The following DCHS1 variants were observed in gnomAD, a reference collection of about 807,000 sequenced individuals.
DCHS1 encodes protocadherin-16.
Under a neutral mutation model 213.9 loss-of-function variants are expected in DCHS1, and 78 were observed. The ratio of observed to expected loss-of-function variants is 0.36; its 90% CI spans 0.30 to 0.44. DCHS1 has a LOEUF of 0.44. Ranked by LOEUF, DCHS1 falls within the 20% of genes least tolerant of loss-of-function variation. The pLI is 1.00. For synonymous variants in DCHS1, 1,828 were observed against 1,873.7 expected (o/e 0.98, Z 0.63); for missense variants, 3,946 against 4,395.9 (o/e 0.90, Z 2.89).
In DCHS1 at chr11:6,621,371, A is replaced by C. The variant is rs1855681130; in HGVS notation, c.*408T>G. 2 of 329,580 alleles carry C rather than the reference A, an allele frequency of 6.1e-6. No individual in the cohort carries two copies. The highest frequency in any genetic ancestry group is 8.3e-5 in the Admixed American group (2 of 24,196). 20.4% of individuals were successfully genotyped at this position (329,580 alleles called of 1,614,324 possible). On this transcript the variant is annotated 3_prime_UTR_variant, in exon 21 of 21. Coordinates refer to ENST00000299441, the MANE Select transcript of DCHS1 (RefSeq NM_003737.4). ...TTAAGGCTCCAGAGTGAGAAATGGC[A>C]CTTGGTTCTGGGCAGGGGCAGGGGC...
In DCHS1 at chr11:6,640,370, C is replaced by A; in HGVS notation, c.1244G>T (p.Ser415Ile). The change falls in exon 2 of 21, where the codon AGC (serine) becomes ATC (isoleucine). Residue 415 changes from serine (S) to isoleucine (I), a missense_variant. Transcript: ENST00000299441. This position sits in a 1 kb window ranked among gnomAD's most constrained non-coding sequence, Gnocchi z 6.5. ...LEGGEGHFAL[S>I]TQDSVIYLVC... ...CAGATAGATGACGCTGTCTTGGGTG[C>A]TTAGGGCAAAGTGGCCCTCTCCACC... 6.2e-7 allele frequency: 1 copy of A among 1,613,546 alleles called. No individual in the cohort carries two copies.
intron 2 of DCHS1, among the ~76,000 whole-genome samples, chr11:6,639,167 T>C (rs1856028897): frequency 6.6e-6 from 1 of 152,006 alleles, no homozygotes; most frequent in African/African-American, 2.4e-5. Context: ...TCCTAACTAC[T>C]GCTTTGTGTT....
In DCHS1 at chr11:6,641,592, C is replaced by G. The variant is rs1247696991; in HGVS notation, c.22G>C (p.Val8Leu). The G allele has an allele frequency of 7.1e-6, 11 of 1,549,202 alleles. No individual in the cohort carries two copies. Among genetic ancestry groups the G allele is most frequent in the Non-Finnish European group, 9.6e-6 (11 of 1,146,100 alleles). Residue 8 changes from valine (V) to leucine (L), a missense_variant, in exon 2 of 21, where the codon GTG (valine) becomes CTG (leucine). Around this residue, in one of 3 missense-constraint regions of DCHS1, gnomAD observed 3,384 missense variants for 3,780.1 expected, o/e 0.90. Coordinates refer to ENST00000299441, the MANE Select transcript of DCHS1 (RefSeq NM_003737.4). The surrounding 1 kb of genome is among the most constrained non-coding windows in gnomAD (Gnocchi z 7.1). MQKELGI[V>L]PSCPGMKSPR... ...CTCTTCATGCCAGGGCAGGAAGGCA[C>G]AATGCCCAGCTCCTTCTGCATGACA... is the stretch of plus-strand genomic sequence containing the variant.
rs72911012 is a variant in DCHS1, at chr11:6,623,570, A to G, written c.8106T>C (p.His2702=). 2.5e-6 allele frequency: 4 copies of G among 1,613,538 alleles called. No individual in the cohort carries two copies. The highest frequency in any genetic ancestry group is 1.3e-5 in the African/African-American group (1 of 75,052). The change falls in exon 21 of 21, where the codon CAT becomes CAC. Residue 2702 remains histidine, a synonymous_variant. Transcript: ENST00000299441. ...VTIEVQDVND[H]GPAFPLNLLS... ...GTAAGTTCAGTGGGAAGGCTGGGCC[A>G]TGATCATTCACATCCTGGACCTCAA... is the stretch of plus-strand genomic sequence containing the variant.
chr11:6,629,144 ACC>A (rs959933033), intron 12 of DCHS1, among the ~76,000 whole-genome samples: 1 of 152,116 alleles, frequency 6.6e-6, no homozygotes, highest in Non-Finnish European at 1.5e-5. Context: ...AAGTCACTTG[ACC>A]TCTCCAATAT....
chr11:6,653,716 A>G (rs1463895201), intron 1 of DCHS1, among the ~76,000 whole-genome samples: 1 of 152,172 alleles, frequency 6.6e-6, no homozygotes, highest in African/African-American at 2.4e-5. Flanking sequence ...AATTTGAGGG[A>G]TGAGTATAGA....
chr11:6,625,975 T>C lies in DCHS1; in HGVS notation c.6676A>G (p.Thr2226Ala). Reference sequence around the variant, plus strand: ...ATGGCTGTGGTAGTGATAGTGCCTGTGGTTGGGTCTACGTGGAACAATCCA... The same window carrying C: ...ATGGCTGTGGTAGTGATAGTGCCTGCGGTTGGGTCTACGTGGAACAATCCA... Reference protein sequence around the residue: ...ARGLFHVDPTTGTITTTAILD... With the variant: ...ARGLFHVDPTAGTITTTAILD... Residue 2226 changes from threonine (T) to alanine (A), a missense_variant, in exon 17 of 21, where the codon ACA becomes GCA. Transcript: ENST00000299441. The surrounding 1 kb of genome is among the most constrained non-coding windows in gnomAD (Gnocchi z 5.3). 6.2e-7 allele frequency: 1 copy of C among 1,613,538 alleles called. No homozygotes were observed. Among genetic ancestry groups the C allele is most frequent in the Non-Finnish European group, 8.5e-7 (1 of 1,179,734 alleles).
chr11:6,647,570 C>A (rs11040942), intron 1 of DCHS1, among the ~76,000 whole-genome samples: 3 of 152,134 alleles, frequency 2.0e-5, no homozygotes, highest in Non-Finnish European at 4.4e-5. Flanking sequence ...TTTTATGGTG[C>A]GCTGGGCCCT....
intron 1 of DCHS1, among the ~76,000 whole-genome samples, chr11:6,645,036 C>T (rs7111291): frequency 0.36 from 55,205 of 152,164 alleles, 12,144 homozygotes; most frequent in East Asian, 0.52. Flanking sequence ...GCATTATGTC[C>T]GTAATCTGTA....
intron 1 of DCHS1, among the ~76,000 whole-genome samples, chr11:6,647,109 G>A (rs186949618): frequency 6.6e-6 from 1 of 152,288 alleles, no homozygotes; most frequent in East Asian, 1.9e-4. Context: ...AAGGTAGATG[G>A]GCTAGAAGTG....
rs1454389392 is a variant in DCHS1 at position 6,623,587 on chromosome 11, G to T, written c.8089C>A (p.Gln2697Lys). ...FALAPVTIEV[Q>K]DVNDHGPAFP... ...GCTGGGCCATGATCATTCACATCCT[G>T]GACCTCAATTGTCACTGGTGCCAAA... The change falls in exon 21 of 21, where the codon CAG becomes AAG. Residue 2697 changes from glutamine to lysine, a missense_variant. Gln to Lys is a moderately conservative substitution (Grantham distance 53). Coordinates refer to ENST00000299441, the MANE Select transcript of DCHS1 (RefSeq NM_003737.4). 4 of 1,613,732 alleles carry T rather than the reference G, an allele frequency of 2.5e-6. No homozygotes were observed. In the East Asian group the frequency reaches 8.9e-5, roughly 36 times the overall value.
chr11:6,631,302 C>T lies in DCHS1; in HGVS notation c.3772+9G>A, dbSNP rs754229649. ...TCACCCACCAATTCTCCTCTCTCCA[C>T]TCCCATACCAGTTAGCGTGTACAAG... is the stretch of plus-strand genomic sequence containing the variant. On this transcript the variant is annotated intron_variant, in intron 8 of 20. Coordinates refer to ENST00000299441, the MANE Select transcript of DCHS1 (RefSeq NM_003737.4). 33 of 1,613,890 alleles carry T rather than the reference C, an allele frequency of 2.0e-5. No homozygotes were observed. Among genetic ancestry groups the T allele is most frequent in the Non-Finnish European group, 2.8e-5 (33 of 1,179,884 alleles).
At position 6,626,833 on chromosome 11, in the gene DCHS1, G is replaced by A. The variant is rs1589954211; in HGVS notation, c.6206C>T (p.Pro2069Leu). The stretch of plus-strand genomic sequence containing the variant: ...AATCGTAGCCTCACTGCTAGCCCGG[G>A]GAAAGCGGGGTCCACGCTCAGCTTC... ...QGEAERGPRFPRASSEATIRE... is the reference protein window; with the variant it reads ...QGEAERGPRFLRASSEATIRE... Residue 2069 changes from proline to leucine, a missense_variant, in exon 14 of 21, where the codon CCC becomes CTC. Coordinates refer to ENST00000299441, the MANE Select transcript of DCHS1 (RefSeq NM_003737.4). This position sits in a 1 kb window ranked among gnomAD's most constrained non-coding sequence, Gnocchi z 5.2. 1 of 1,613,200 alleles carries A rather than the reference G, an allele frequency of 6.2e-7. No homozygotes were observed. The highest frequency in any genetic ancestry group is 8.5e-7 in the Non-Finnish European group (1 of 1,179,872).
intron 2 of DCHS1, 79 bp from the exon 3 acceptor site, chr11:6,634,385 A>G: frequency 6.8e-7 from 1 of 1,460,712 alleles, no homozygotes; most frequent in East Asian, 2.3e-5. Context: ...AGAATGAACA[A>G]CTGGTGCTAA....
Position 6,624,214 on chromosome 11 carries a change from G to C in DCHS1, c.7462C>G (p.Arg2488Gly). 6.2e-7 allele frequency: 1 copy of C among 1,613,370 alleles called. No homozygotes were observed. The change falls in exon 21 of 21, where the codon CGT (arginine) becomes GGT (glycine). Residue 2488 changes from arginine (R) to glycine (G), a missense_variant. Physicochemically the swap from Arg to Gly is moderately radical, Grantham distance 125. This residue lies in a region of DCHS1 where 3,384 missense variants were observed against 3,780.1 expected (regional missense o/e 0.90). Coordinates refer to ENST00000299441, the MANE Select transcript of DCHS1 (RefSeq NM_003737.4). ...GGCAGGTCTTCAGTCACAGCCACAC[G>C]GTAGTGTGACAATGTGAAGCTCGGG... ...HAPSFTLSHY[R>G]VAVTEDLPPG...
intron 1 of DCHS1, among the ~76,000 whole-genome samples, chr11:6,643,576 G>A (rs141158060): frequency 1.4e-3 from 209 of 152,192 alleles, no homozygotes; most frequent in African/African-American, 4.5e-3. Context: ...TCCTTTGCAA[G>A]TTCTTTTTCC....
chr11:6,624,863 C>A lies in DCHS1; in HGVS notation c.7152G>T (p.Met2384Ile). Residue 2384 changes from methionine to isoleucine, a missense_variant, in exon 20 of 21, where the codon ATG becomes ATT. Met to Ile is a conservative substitution (Grantham distance 10). Around this residue, in one of 3 missense-constraint regions of DCHS1, gnomAD observed 3,384 missense variants for 3,780.1 expected, o/e 0.90. Coordinates refer to ENST00000299441, the MANE Select transcript of DCHS1 (RefSeq NM_003737.4). ...PAFSQSLYQV[M>I]LLEHTPPGSA... ...TGCCTGGGGGTGTGTGCTCAAGCAGCATTACCTGAAGTGTGAGGAAAAGTG... is the reference window on the plus strand; with the variant it reads ...TGCCTGGGGGTGTGTGCTCAAGCAGAATTACCTGAAGTGTGAGGAAAAGTG... 6.2e-7 allele frequency: 1 copy of A among 1,613,844 alleles called. No homozygotes were observed. The highest frequency in any genetic ancestry group is 1.1e-5 in the South Asian group (1 of 91,038).
In DCHS1 at chr11:6,631,785, A is replaced by G; in HGVS notation, c.3506T>C (p.Leu1169Pro). The change falls in exon 7 of 21, where the codon CTG becomes CCG. Residue 1169 changes from leucine (L) to proline (P), a missense_variant. Leu to Pro is a moderately conservative substitution (Grantham distance 98, BLOSUM62 -3). Around this residue, in one of 3 missense-constraint regions of DCHS1, gnomAD observed 3,384 missense variants for 3,780.1 expected, o/e 0.90. Transcript: ENST00000299441. Reference sequence around the variant, plus strand: ...ATAGCTGCTCTGCTGCTCACGGTCCAGGGTTTGGAGTGTGGTCACTTCTCC... The same window carrying G: ...ATAGCTGCTCTGCTGCTCACGGTCCGGGGTTTGGAGTGTGGTCACTTCTCC... The part of the protein sequence containing the change: ...QTGEVTTLQT[L>P]DREQQSSYQL... 1.3e-6 allele frequency: 2 copies of G among 1,547,326 alleles called. No individual in the cohort carries two copies. The highest frequency in any genetic ancestry group is 1.7e-6 in the Non-Finnish European group (2 of 1,147,702).
In DCHS1 at chr11:6,641,514, CCAGCAG is replaced by C. The variant is rs72555381; in HGVS notation, c.94_99del (p.Leu32_Leu33del). On this transcript the variant is annotated inframe_deletion, in exon 2 of 21. Transcript: ENST00000299441. The surrounding 1 kb of genome is among the most constrained non-coding windows in gnomAD (Gnocchi z 7.1). ...CCCCAGGCACCTGGCACCCCAGCCC[CCAGCAG>C]CAGCAGCAGCAGCAGCAGCAATGGT... 13 of 1,551,292 alleles carry C rather than the reference CCAGCAG, an allele frequency of 8.4e-6. No individual in the cohort carries two copies. The highest frequency in any genetic ancestry group is 4.7e-5 in the South Asian group (4 of 84,278).
Sources: gnomAD v4.1 joint callset for allele counts (sites outside exome capture counted in the v4.1 genomes callset) on GRCh38, gnomAD v4.1.1 for gene constraint, gnomAD v4.1.1 regional missense constraint, Gnocchi (gnomAD v3.1) non-coding constraint, MANE v1.5 for transcripts, NCBI Gene and HGNC (gene_info 2026-07-23, HGNC 2026-07-21) for gene names.